The following DNAAF1 variants were observed in gnomAD, a reference collection of about 807,000 sequenced individuals.
DNAAF1 encodes the protein dynein axonemal assembly factor 1.
Under a neutral mutation model 71.1 loss-of-function variants are expected in DNAAF1, and 65 were observed. The ratio of observed to expected loss-of-function variants is 0.91; its 90% confidence interval spans 0.75 to 1.12. The LOEUF (loss-of-function observed/expected upper bound fraction) is 1.12. DNAAF1 is among the 50% of genes most tolerant of loss of function. The probability of loss-of-function intolerance (pLI) is 0.00; values close to 1 mark genes in which losing one functional copy is unlikely to be tolerated. For missense variants in DNAAF1, 1,178 were observed against 899.8 expected (o/e 1.31, Z -3.96); for synonymous variants, 414 against 354.6 (o/e 1.17, Z -1.88).
chr16:84,148,936 C>T, intron 1 of DNAAF1, 71 bp from the exon 2 acceptor site: 1 of 1,572,404 alleles, frequency 6.4e-7, no homozygotes, highest in East Asian at 2.2e-5. Context: ...GGTCATTAAC[C>T]AAGCTGAAGT....
intron 3 of DNAAF1, among the ~76,000 whole-genome samples, chr16:84,151,366 C>T (rs536903057): frequency 1.3e-5 from 2 of 152,184 alleles, no homozygotes; most frequent in Admixed American, 1.3e-4. Context: ...AGCACAAATG[C>T]CTTAAGGGGT....
At position 84,145,563 on chromosome 16, in the gene DNAAF1, A is replaced by G. The variant is rs1378497795; in HGVS notation, c.123A>G (p.Glu41=). ...HGSAGRGGCK[E]EINDPKEICV... ...GCGCAGGCCGAGGGGGCTGCAAGGA[A>G]GGTGCCGACTGCCCCCCAGGGAGGG... The change falls in exon 1 of 12, where the codon GAA becomes GAG. Residue 41 remains glutamate (E), a splice_region_variant and synonymous_variant. Transcript: ENST00000378553. The G allele has an allele frequency of 3.9e-6, 6 of 1,547,292 alleles. No homozygotes were observed. The African/African-American group carries it at 6.8e-5, about 18-fold the overall frequency.
At chr16:84,160,508 C>G (rs907590897) in intron 6 of DNAAF1, among the ~76,000 whole-genome samples, 1 of 152,142 alleles carries the variant, frequency 6.6e-6, no homozygotes, top group African/African-American at 2.4e-5. Flanking sequence ...ATATAGGCTA[C>G]TTGACGAGAT....
At chr16:84,158,211 A>C (rs924011206) in intron 5 of DNAAF1, among the ~76,000 whole-genome samples, 4 of 151,912 alleles carry the variant, frequency 2.6e-5, no homozygotes, top group Non-Finnish European at 5.9e-5. Flanking sequence ...TCTGTCTCCA[A>C]AAAAAAACAA....
chr16:84,147,586 G>A (rs1320930653), intron 1 of DNAAF1, among the ~76,000 whole-genome samples: 1 of 151,882 alleles, frequency 6.6e-6, no homozygotes, highest in Non-Finnish European at 1.5e-5. Context: ...AGCCTCCTGA[G>A]TAGCTGGGAC....
chr16:84,148,596 C>CTCTCTTTTTTGTTTTTTTTTTT, intron 1 of DNAAF1, among the ~76,000 whole-genome samples: 1 of 43,576 alleles, frequency 2.3e-5, no homozygotes, highest in Non-Finnish European at 4.1e-5. Context: ...CTCTCTCTCT[C>CTCTCTTTTTTGTTTTTTTTTTT]TTTTTTTTTT....
rs552857106 is a variant in DNAAF1 at position 84,162,930 on chromosome 16, G to A, written c.864-2853G>A. ...GCTTTCCCTCTCTGTTGATTTGCTC[G>A]TTCTGGACATTTCATATAAATGGAG... On this transcript the variant is annotated intron_variant, in intron 6 of 11. Transcript: ENST00000378553. Among the ~76,000 whole-genome samples, 7 of 152,224 alleles carry A rather than the reference G, an allele frequency of 4.6e-5. No individual in the cohort carries two copies. In the South Asian group the frequency reaches 6.2e-4, roughly 14 times the overall value.
Position 84,176,285 on chromosome 16 carries a change from C to G in DNAAF1, c.2051C>G (p.Ala684Gly). 1 of 1,613,410 alleles carries G rather than the reference C, an allele frequency of 6.2e-7. No individual in the cohort carries two copies. The highest frequency in any genetic ancestry group is 1.1e-5 in the South Asian group (1 of 91,086). Residue 684 changes from alanine to glycine, a missense_variant, in exon 11 of 12, where the codon GCA (alanine) becomes GGA (glycine). By Grantham distance (60) the Ala-to-Gly change is moderately conservative (BLOSUM62 0). Transcript: ENST00000378553. ...GGAGACAGGGACAGCGACTTCCTTG[C>G]AGCCTCTTCTCCGGGTAAGAGCGTG... ...SSGDRDSDFLAASSPVPTESA... is the reference protein window; with the variant it reads ...SSGDRDSDFLGASSPVPTESA...
intron 5 of DNAAF1, among the ~76,000 whole-genome samples, chr16:84,157,996 G>A (rs370706979): frequency 1.8e-4 from 27 of 152,154 alleles, no homozygotes; most frequent in South Asian, 6.2e-4. Context: ...TCACGAGGTC[G>A]GGAGATCGAG....
intron 9 of DNAAF1, chr16:84,174,268 C>A (rs2088537079): frequency 1.9e-6 from 2 of 1,074,368 alleles, no homozygotes; most frequent in South Asian, 2.9e-5. Flanking sequence ...AAAAGTCCTA[C>A]AAGTTTTGGG....
rs559892250 is a variant in DNAAF1, at chr16:84,148,422, C to T, written c.125-585C>T. 2.1e-3 allele frequency among the ~76,000 whole-genome samples: 321 copies of T among 151,780 alleles called. 1 individual carries two copies. The highest frequency in any genetic ancestry group is 0.014 in the Middle Eastern group (4 of 294). ...TATGGATGGACATTTACGTTGTTAACAGTTTTTGGCTTTTATAAAAAAAAA... is the reference window on the plus strand; with the variant it reads ...TATGGATGGACATTTACGTTGTTAATAGTTTTTGGCTTTTATAAAAAAAAA... On this transcript the variant is annotated intron_variant, in intron 1 of 11. Transcript: ENST00000378553.
At chr16:84,166,021 G>GT in intron 7 of DNAAF1, 72 bp downstream of exon 7, 1 of 1,269,334 alleles carries the variant, frequency 7.9e-7, no homozygotes, top group Middle Eastern at 2.8e-4. Context: ...CTCAAACCCA[G>GT]TCTTTAATCT....
At position 84,177,733 on chromosome 16, in the gene DNAAF1, G is replaced by C; in HGVS notation, c.2070G>C (p.Pro690=). Residue 690 remains proline, a synonymous_variant, in exon 12 of 12, where the codon CCG becomes CCC. Coordinates refer to ENST00000378553, the MANE Select transcript of DNAAF1 (RefSeq NM_178452.6). ...AGGTCACCCTTCCTTCCACAGTGCCGACTGAGAGCGCCGCCACACCCCCAG... is the reference window on the plus strand; with the variant it reads ...AGGTCACCCTTCCTTCCACAGTGCCCACTGAGAGCGCCGCCACACCCCCAG... ...SDFLAASSPV[P]TESAATPPET... The C allele has an allele frequency of 6.2e-7, 1 of 1,613,664 alleles. No individual in the cohort carries two copies. Among genetic ancestry groups the C allele is most frequent in the Non-Finnish European group, 8.5e-7 (1 of 1,179,864 alleles).
intron 7 of DNAAF1, among the ~76,000 whole-genome samples, chr16:84,168,630 C>A (rs2088149102): frequency 6.6e-6 from 1 of 152,040 alleles, no homozygotes; most frequent in South Asian, 2.1e-4. Context: ...CCTGTCTAGT[C>A]TTTTGAATTA....
chr16:84,153,984 T>C (rs1314765756), intron 3 of DNAAF1, among the ~76,000 whole-genome samples: 2 of 152,112 alleles, frequency 1.3e-5, no homozygotes, highest in Non-Finnish European at 2.9e-5. Context: ...AAAGTTCGCC[T>C]TGCTTGGCTA....
At chr16:84,152,264 A>G (rs987869139) in intron 3 of DNAAF1, among the ~76,000 whole-genome samples, 1 of 152,196 alleles carries the variant, frequency 6.6e-6, no homozygotes, top group Non-Finnish European at 1.5e-5. Flanking sequence ...GAAAAACCAG[A>G]ATGTCAGAAA....
chr16:84,172,925 C>T (rs2151274251), intron 9 of DNAAF1: 2 of 1,007,548 alleles, frequency 2.0e-6, no homozygotes, highest in South Asian at 8.4e-5. Flanking sequence ...TTCCCTGAAG[C>T]TCTTCCCATT....
intron 7 of DNAAF1, among the ~76,000 whole-genome samples, chr16:84,166,669 G>C (rs1331241903): frequency 5.9e-5 from 9 of 152,134 alleles, no homozygotes; most frequent in South Asian, 2.1e-4. Context: ...TGCTGCACCT[G>C]GCCAGGGATT....
In DNAAF1 at chr16:84,145,547, G is replaced by GA; in HGVS notation, c.108dup (p.Gly37ArgfsTer8). ...GCGGGTGACCACGGGAGCGCAGGCCGAGGGGGCTGCAAGGAAGGTGCCGAC... is the reference window on the plus strand; with the variant it reads ...GCGGGTGACCACGGGAGCGCAGGCCGAAGGGGGCTGCAAGGAAGGTGCCGAC... On this transcript the variant is annotated frameshift_variant, in exon 1 of 12. Coordinates refer to ENST00000378553, the MANE Select transcript of DNAAF1 (RefSeq NM_178452.6). LOFTEE classifies it high-confidence loss of function. The GA allele has an allele frequency of 6.5e-7, 1 of 1,549,534 alleles. No homozygotes were observed. Among genetic ancestry groups the GA allele is most frequent in the Non-Finnish European group, 8.7e-7 (1 of 1,147,234 alleles).
Sources: gnomAD v4.1 joint callset for allele counts (sites outside exome capture counted in the v4.1 genomes callset) on GRCh38, gnomAD v4.1.1 for gene constraint, MANE v1.5 for transcripts, NCBI Gene and HGNC (gene_info 2026-07-23, HGNC 2026-07-21) for gene names.